The following AGBL4 variants were observed in gnomAD, a reference collection of about 807,000 sequenced individuals.
The protein encoded by AGBL4 is cytosolic carboxypeptidase 6.
AGBL4 carries 58 observed loss-of-function variants against 66.4 expected under a neutral mutation model. The observed-to-expected ratio is 0.87, with a 90% CI of 0.71 to 1.09. The LOEUF is 1.09. AGBL4 is among the 50% of genes least tolerant of loss of function. The pLI, the probability that AGBL4 is intolerant of heterozygous loss-of-function variation, is 0.00. For missense variants in AGBL4, 579 were observed against 631.0 expected (o/e 0.92, Z 0.88); for synonymous variants, 234 against 222.9 (o/e 1.05, Z -0.44).
At chr1:48,855,532 G>C (rs1020267991) in intron 6 of AGBL4, among the ~76,000 whole-genome samples, 1 of 152,130 alleles carries the variant, frequency 6.6e-6, no homozygotes, top group African/African-American at 2.4e-5. Flanking sequence ...ATGGAGGTGG[G>C]AGTATTAATT....
chr1:49,897,880 T>C (rs1158403345), intron 1 of AGBL4, among the ~76,000 whole-genome samples: 2 of 151,822 alleles, frequency 1.3e-5, no homozygotes, highest in African/African-American at 4.8e-5. Flanking sequence ...AAGGACAGTC[T>C]GTTCAATAAA....
At chr1:48,733,675 C>T (rs1270967349) in intron 6 of AGBL4, among the ~76,000 whole-genome samples, 1 of 152,126 alleles carries the variant, frequency 6.6e-6, no homozygotes, top group African/African-American at 2.4e-5. Context: ...TGCTACAATC[C>T]TAGGCAGCCC....
chr1:49,346,590 T>G (rs559841326), intron 3 of AGBL4, among the ~76,000 whole-genome samples: 12 of 152,348 alleles, frequency 7.9e-5, no homozygotes, highest in Admixed American at 5.2e-4. Context: ...CTTATTTGTC[T>G]TCCAGATTTC....
At chr1:48,828,383 T>C (rs1646478082) in intron 6 of AGBL4, among the ~76,000 whole-genome samples, 1 of 152,100 alleles carries the variant, frequency 6.6e-6, no homozygotes, top group South Asian at 2.1e-4. Flanking sequence ...CTCTATCTTT[T>C]GCTAGGTAAC....
chr1:48,706,801 T>C (rs1646887622), intron 6 of AGBL4, among the ~76,000 whole-genome samples: 1 of 152,214 alleles, frequency 6.6e-6, no homozygotes, highest in Non-Finnish European at 1.5e-5. Flanking sequence ...GGTTCCCACA[T>C]CTGAATCCAG....
At chr1:49,613,594 G>T (rs1645196175) in intron 3 of AGBL4, among the ~76,000 whole-genome samples, 1 of 152,154 alleles carries the variant, frequency 6.6e-6, no homozygotes, top group Admixed American at 6.5e-5. Flanking sequence ...TGAGCTGCAT[G>T]TGCAGGGGAT....
chr1:49,198,573 C>T (rs1028195395), intron 4 of AGBL4, among the ~76,000 whole-genome samples: 1 of 152,070 alleles, frequency 6.6e-6, no homozygotes, highest in African/African-American at 2.4e-5. Flanking sequence ...CTCCTGAACT[C>T]AGGTGATCCA....
At chr1:48,920,141 G>C (rs952687690) in intron 5 of AGBL4, among the ~76,000 whole-genome samples, 8 of 152,164 alleles carry the variant, frequency 5.3e-5, no homozygotes, top group Non-Finnish European at 2.9e-5. Context: ...CAATCATAAA[G>C]ATTGCCTGTA....
intron 3 of AGBL4, among the ~76,000 whole-genome samples, chr1:49,282,016 G>A (rs1644282467): frequency 6.6e-6 from 1 of 152,196 alleles, no homozygotes. Context: ...GGCATCTGAA[G>A]TGGGAGGCAA....
chr1:49,306,889 C>T (rs965403060), intron 3 of AGBL4, among the ~76,000 whole-genome samples: 9 of 152,142 alleles, frequency 5.9e-5, no homozygotes, highest in Non-Finnish European at 1.5e-5. Context: ...TTTTTATCAT[C>T]ATAATCTTGT....
intron 3 of AGBL4, among the ~76,000 whole-genome samples, chr1:49,266,777 C>G (rs114047351): frequency 3.2e-4 from 49 of 152,170 alleles, no homozygotes; most frequent in African/African-American, 1.2e-3. Flanking sequence ...AATTCTGGGG[C>G]TGGGTAGGGC....
intron 6 of AGBL4, among the ~76,000 whole-genome samples, chr1:48,854,752 T>A (rs954083525): frequency 6.6e-6 from 1 of 152,150 alleles, no homozygotes; most frequent in Admixed American, 6.6e-5. Flanking sequence ...AATCACAGAA[T>A]GAGAAGTGAT....
intron 3 of AGBL4, among the ~76,000 whole-genome samples, chr1:49,458,669 G>A (rs1646443349): frequency 6.6e-6 from 1 of 151,748 alleles, no homozygotes; most frequent in South Asian, 2.1e-4. Flanking sequence ...TCCCTGTTCA[G>A]TACAATGCTA....
At chr1:49,840,156 T>C (rs907998865) in intron 2 of AGBL4, among the ~76,000 whole-genome samples, 4 of 152,174 alleles carry the variant, frequency 2.6e-5, no homozygotes, top group Admixed American at 6.5e-5. Flanking sequence ...GAACTCAATA[T>C]TGGTCTATTC....
intron 2 of AGBL4, among the ~76,000 whole-genome samples, chr1:49,755,544 C>A (rs534525223): frequency 1.3e-5 from 2 of 152,168 alleles, no homozygotes; most frequent in Non-Finnish European, 2.9e-5. Context: ...ACTTCCTGAT[C>A]TCTTAGTTTT....
At chr1:48,847,016 C>T (rs1296840627) in intron 6 of AGBL4, among the ~76,000 whole-genome samples, 1 of 152,128 alleles carries the variant, frequency 6.6e-6, no homozygotes, top group African/African-American at 2.4e-5. Context: ...AAAAAACGAA[C>T]TTGGCTGGGC....
intron 3 of AGBL4, among the ~76,000 whole-genome samples, chr1:49,693,828 C>T (rs1436584628): frequency 2.0e-5 from 3 of 152,102 alleles, no homozygotes; most frequent in Admixed American, 1.3e-4. Flanking sequence ...TTTCATATCA[C>T]ACAAGTGCTC....
intron 6 of AGBL4, among the ~76,000 whole-genome samples, chr1:48,750,676 C>T (rs1267340884): frequency 6.6e-6 from 1 of 152,188 alleles, no homozygotes; most frequent in East Asian, 1.9e-4. Context: ...AATAATGTTC[C>T]CTGCACAAAA....
intron 6 of AGBL4, among the ~76,000 whole-genome samples, chr1:48,764,657 A>T (rs894603149): frequency 5.3e-5 from 8 of 152,224 alleles, no homozygotes. Context: ...ACTAGGCGTC[A>T]GACAACCTGG....
Sources: gnomAD v4.1 joint callset for allele counts (sites outside exome capture counted in the v4.1 genomes callset) on GRCh38, gnomAD v4.1.1 for gene constraint, MANE v1.5 for transcripts, NCBI Gene and HGNC (gene_info 2026-07-23, HGNC 2026-07-21) for gene names.